Variants in ADAMTSL1 observed in about 807,000 individuals in gnomAD.
ADAMTSL1 encodes the protein ADAMTS-like protein 1.
Under a neutral mutation model 201.8 loss-of-function variants are expected in ADAMTSL1, and 126 were observed. That is an observed-to-expected ratio of 0.62 (90% CI 0.54 to 0.72). The LOEUF is 0.72. ADAMTSL1 is among the 30% of genes least tolerant of loss of function. ADAMTSL1 has a pLI of 0.00. For synonymous variants in ADAMTSL1, 1,121 were observed against 903.4 expected (o/e 1.24, Z -4.32); for missense variants, 2,679 against 2,277.8 (o/e 1.18, Z -3.59).
intron 1 of ADAMTSL1, among the ~76,000 whole-genome samples, chr9:18,145,345 A>G (rs1402943704): frequency 2.0e-5 from 3 of 152,200 alleles, no homozygotes; most frequent in Non-Finnish European, 4.4e-5. Flanking sequence ...ACTATTTGAC[A>G]GGTTCTACAT....
intron 23 of ADAMTSL1, among the ~76,000 whole-genome samples, chr9:18,845,570 G>C (rs1405954903): frequency 6.6e-6 from 1 of 152,242 alleles, no homozygotes; most frequent in African/African-American, 2.4e-5. Flanking sequence ...TGAGGCCACA[G>C]CTCACACATT....
At chr9:18,178,879 A>C (rs1392103650) in intron 2 of ADAMTSL1, among the ~76,000 whole-genome samples, 2 of 151,940 alleles carry the variant, frequency 1.3e-5, no homozygotes, top group Non-Finnish European at 2.9e-5. Flanking sequence ...CCATTTGTAC[A>C]TCACCATCAT....
At chr9:18,529,628 G>A (rs913972099) in intron 2 of ADAMTSL1, among the ~76,000 whole-genome samples, 1 of 152,162 alleles carries the variant, frequency 6.6e-6, no homozygotes, top group Non-Finnish European at 1.5e-5. Context: ...ATAAATAGTA[G>A]AGACTAGTTA....
Position 17,961,247 on chromosome 9 carries a change from T to C in ADAMTSL1, c.87+54325T>C, listed in dbSNP as rs983052573. ...CAATAACTTTTCATGGATGTTGTGA[T>C]TATTATTATTATTTTTTTGAGATGG... is the stretch of plus-strand genomic sequence containing the variant. On this transcript the variant is annotated intron_variant, in intron 1 of 29. Transcript: ENST00000680146. Among the ~76,000 whole-genome samples, 7 of 151,976 alleles carry C rather than the reference T, an allele frequency of 4.6e-5. No homozygotes were observed. In the South Asian group the frequency reaches 1.5e-3, roughly 32 times the overall value.
chr9:18,313,617 A>G (rs1834238557), intron 2 of ADAMTSL1, among the ~76,000 whole-genome samples: 2 of 152,296 alleles, frequency 1.3e-5, no homozygotes, highest in South Asian at 4.2e-4. Flanking sequence ...TCTACATGCA[A>G]AAGAATAAAA....
intron 8 of ADAMTSL1, among the ~76,000 whole-genome samples, chr9:18,660,189 G>A (rs1213035034): frequency 2.0e-5 from 3 of 152,182 alleles, no homozygotes; most frequent in Admixed American, 2.0e-4. Flanking sequence ...CAGGATAAAA[G>A]GAAGACTGTT....
At chr9:18,459,438 C>T (rs966274767) in intron 2 of ADAMTSL1, among the ~76,000 whole-genome samples, 5 of 152,032 alleles carry the variant, frequency 3.3e-5, no homozygotes, top group Non-Finnish European at 7.4e-5. Context: ...TGAGGCCTTA[C>T]CTCACTAGTT....
intron 23 of ADAMTSL1, among the ~76,000 whole-genome samples, chr9:18,850,085 T>C (rs2131366350): frequency 6.6e-6 from 1 of 152,318 alleles, no homozygotes; most frequent in South Asian, 2.1e-4. Flanking sequence ...TAAATGTCAC[T>C]GCCTAGCCAC....
chr9:18,845,155 G>A (rs544116684), intron 23 of ADAMTSL1, among the ~76,000 whole-genome samples: 5 of 152,302 alleles, frequency 3.3e-5, no homozygotes, highest in South Asian at 2.1e-4. Flanking sequence ...GCTGTAGACC[G>A]GAGCTGTTCC....
chr9:18,582,582 C>T (rs1283422482), intron 4 of ADAMTSL1, among the ~76,000 whole-genome samples: 1 of 152,144 alleles, frequency 6.6e-6, no homozygotes, highest in Non-Finnish European at 1.5e-5. Flanking sequence ...GGTGCAGTGG[C>T]TCACACCTGT....
intron 23 of ADAMTSL1, among the ~76,000 whole-genome samples, chr9:18,879,607 T>TAAAAG (rs1287674806): frequency 6.6e-6 from 1 of 152,122 alleles, no homozygotes; most frequent in African/African-American, 2.4e-5. Flanking sequence ...CCAATACATC[T>TAAAAG]AAAAGAAAAC....
chr9:18,857,379 C>G (rs1387485521), intron 23 of ADAMTSL1, among the ~76,000 whole-genome samples: 1 of 152,192 alleles, frequency 6.6e-6, no homozygotes, highest in Non-Finnish European at 1.5e-5. Flanking sequence ...GAAAACAGTT[C>G]CTCGGGCTTC....
intron 3 of ADAMTSL1, among the ~76,000 whole-genome samples, chr9:18,538,242 G>A (rs1819915139): frequency 6.6e-6 from 1 of 152,136 alleles, no homozygotes; most frequent in Non-Finnish European, 1.5e-5. Flanking sequence ...TCTAGAGATA[G>A]AATGGCTTTT....
intron 5 of ADAMTSL1, among the ~76,000 whole-genome samples, chr9:18,628,873 G>C (rs1243135001): frequency 6.6e-6 from 1 of 152,098 alleles, no homozygotes; most frequent in Admixed American, 6.6e-5. Context: ...TAAAATTAGA[G>C]ATGAGGTTTC....
At chr9:18,749,957 A>G (rs920123482) in intron 15 of ADAMTSL1, among the ~76,000 whole-genome samples, 1 of 152,202 alleles carries the variant, frequency 6.6e-6, no homozygotes, top group Non-Finnish European at 1.5e-5. Context: ...TCTGCCAGAA[A>G]TGGTGGCAGA....
At chr9:18,314,828 G>T (rs1215394851) in intron 2 of ADAMTSL1, among the ~76,000 whole-genome samples, 1 of 100,786 alleles carries the variant, frequency 9.9e-6, no homozygotes, top group African/African-American at 3.9e-5. Flanking sequence ...ACGGAGTCTT[G>T]CTCTGTCGCC....
In ADAMTSL1 at chr9:18,466,659, A is replaced by T. The variant is rs576894559; in HGVS notation, c.208-38170A>T. ...TAAAATAAATAATTGTTTTAAAATGAACTATACTACAAATTAAATTTAGTT... is the reference window on the plus strand; with the variant it reads ...TAAAATAAATAATTGTTTTAAAATGTACTATACTACAAATTAAATTTAGTT... On this transcript the variant is annotated intron_variant, in intron 2 of 29. Transcript: ENST00000680146. Among the ~76,000 whole-genome samples, 11 of 152,272 alleles carry T rather than the reference A, an allele frequency of 7.2e-5. No homozygotes were observed. In the East Asian group the frequency reaches 1.9e-3, roughly 27 times the overall value.
intron 2 of ADAMTSL1, among the ~76,000 whole-genome samples, chr9:18,335,738 T>G (rs984651774): frequency 6.6e-6 from 1 of 152,164 alleles, no homozygotes; most frequent in Non-Finnish European, 1.5e-5. Context: ...GTGTAAAACA[T>G]ATATTAGTGC....
At chr9:18,729,814 T>C (rs1818109415) in intron 15 of ADAMTSL1, among the ~76,000 whole-genome samples, 1 of 152,176 alleles carries the variant, frequency 6.6e-6, no homozygotes, top group African/African-American at 2.4e-5. Flanking sequence ...AAGACACTTA[T>C]TATCTTAAGC....
Sources: gnomAD v4.1 joint callset for allele counts (sites outside exome capture counted in the v4.1 genomes callset) on GRCh38, gnomAD v4.1.1 for gene constraint, MANE v1.5 for transcripts, NCBI Gene and HGNC (gene_info 2026-07-23, HGNC 2026-07-21) for gene names.